The following SHISA9 variants were observed in gnomAD, a reference collection of about 807,000 sequenced individuals.
The protein encoded by SHISA9 is shisa family member 9.
SHISA9 carries 13 observed loss-of-function variants against 38.0 expected under a neutral mutation model. The observed-to-expected ratio is 0.34, with a 90% CI of 0.22 to 0.54. The LOEUF is 0.54. Ranked by LOEUF, SHISA9 falls within the 20% of genes least tolerant of loss-of-function variation. The probability of loss-of-function intolerance (pLI) is 0.91; values close to 1 mark genes in which losing one functional copy is unlikely to be tolerated. For missense variants in SHISA9, 538 were observed against 575.8 expected (o/e 0.93, Z 0.67); for synonymous variants, 275 against 242.0 (o/e 1.14, Z -1.27).
intron 2 of SHISA9, among the ~76,000 whole-genome samples, chr16:12,948,725 C>T (rs898463308): frequency 6.6e-6 from 1 of 152,152 alleles, no homozygotes; most frequent in African/African-American, 2.4e-5. Flanking sequence ...CGTCTGAAGG[C>T]CCCACTTCTT....
At chr16:13,152,664 T>C (rs919753394) in intron 2 of SHISA9, among the ~76,000 whole-genome samples, 16 of 152,146 alleles carry the variant, frequency 1.1e-4, no homozygotes, top group Non-Finnish European at 1.2e-4. Context: ...TGTCCAGTCA[T>C]GTGCCAGGCA....
chr16:12,925,153 C>A (rs765105200), intron 2 of SHISA9, among the ~76,000 whole-genome samples: 1 of 151,650 alleles, frequency 6.6e-6, no homozygotes, highest in Non-Finnish European at 1.5e-5. Flanking sequence ...TTGATAACAC[C>A]GTGTGTGTGT....
the SHISA9 span, among the ~76,000 whole-genome samples, chr16:13,502,844 T>G: frequency 9.4e-3 from 1,429 of 151,800 alleles, 21 homozygotes; most frequent in African/African-American, 0.033. Context: ...GCCACCACAC[T>G]CCAGCCTGGG....
intron 2 of SHISA9, among the ~76,000 whole-genome samples, chr16:13,153,918 C>T (rs1248753092): frequency 6.7e-6 from 1 of 148,316 alleles, no homozygotes; most frequent in Non-Finnish European, 1.5e-5. Context: ...GGCTGAAGCT[C>T]CTGTTGCAAA....
chr16:13,402,893 C>T, the SHISA9 span, among the ~76,000 whole-genome samples: 1 of 152,278 alleles, frequency 6.6e-6, no homozygotes, highest in South Asian at 2.1e-4. Context: ...CCAAGGCGGG[C>T]AGGTCACAAT....
intron 2 of SHISA9, among the ~76,000 whole-genome samples, chr16:13,101,025 A>G (rs953940719): frequency 2.6e-5 from 4 of 152,170 alleles, no homozygotes; most frequent in Non-Finnish European, 5.9e-5. Context: ...TTCCATATCT[A>G]GGTGGAATTC....
chr16:13,360,602 A>G, the SHISA9 span, among the ~76,000 whole-genome samples: 1 of 151,804 alleles, frequency 6.6e-6, no homozygotes, highest in African/African-American at 2.4e-5. Flanking sequence ...GCCATGCTGA[A>G]TTGTCAGTCA....
chr16:13,013,504 G>A (rs1424781618), intron 2 of SHISA9, among the ~76,000 whole-genome samples: 1 of 152,144 alleles, frequency 6.6e-6, no homozygotes, highest in African/African-American at 2.4e-5. Flanking sequence ...CGCGTGGCTA[G>A]GGATCACGGT....
Position 13,236,548 on chromosome 16 carries a change from G to A in SHISA9, c.*1139G>A, listed in dbSNP as rs1219186393. The stretch of plus-strand genomic sequence containing the variant: ...CTGCTTTGGACTGAAAATGTCATAA[G>A]CGTGGGTGGTGCCTTCAATGTGTTA... On this transcript the variant is annotated 3_prime_UTR_variant, in exon 5 of 5. Transcript: ENST00000558583. 1 of 152,334 alleles carries A rather than the reference G, an allele frequency of 6.6e-6. No individual in the cohort carries two copies. The highest frequency in any genetic ancestry group is 1.9e-4 in the East Asian group (1 of 5,194). 9.4% of individuals were successfully genotyped at this position (152,334 alleles called of 1,614,324 possible). A position where few individuals can be genotyped will look rare whatever the true frequency, so the allele number is the denominator to read the frequency against.
chr16:13,079,995 C>A, intron 2 of SHISA9, among the ~76,000 whole-genome samples: 1 of 152,106 alleles, frequency 6.6e-6, no homozygotes, highest in East Asian at 1.9e-4. Context: ...TATTGAATGC[C>A]TTTGAGAAGG....
intron 2 of SHISA9, among the ~76,000 whole-genome samples, chr16:13,186,074 T>C (rs1359453640): frequency 6.6e-6 from 1 of 152,166 alleles, no homozygotes; most frequent in Non-Finnish European, 1.5e-5. Flanking sequence ...TGGATGAAGC[T>C]GATTGTGTCT....
chr16:13,165,638 G>T (rs897720036), intron 2 of SHISA9, among the ~76,000 whole-genome samples: 1 of 152,144 alleles, frequency 6.6e-6, no homozygotes, highest in African/African-American at 2.4e-5. Flanking sequence ...ATGAGCAAAG[G>T]TACTTTGTAA....
At chr16:12,938,005 G>A (rs2071556611) in intron 2 of SHISA9, among the ~76,000 whole-genome samples, 1 of 152,172 alleles carries the variant, frequency 6.6e-6, no homozygotes, top group Admixed American at 6.5e-5. Context: ...TCCAACTATT[G>A]AAACCCTTGA....
At chr16:13,333,205 C>G in the SHISA9 span, among the ~76,000 whole-genome samples, 2 of 152,196 alleles carry the variant, frequency 1.3e-5, no homozygotes, top group African/African-American at 4.8e-5. Flanking sequence ...TCCATCTTCT[C>G]TCTTTCAAAG....
the SHISA9 span, among the ~76,000 whole-genome samples, chr16:13,286,470 C>T: frequency 2.6e-5 from 4 of 152,092 alleles, no homozygotes; most frequent in South Asian, 4.1e-4. Flanking sequence ...TGTAAAATTA[C>T]AGTCAAGAGC....
chr16:13,450,253 G>A, the SHISA9 span, among the ~76,000 whole-genome samples: 5 of 152,180 alleles, frequency 3.3e-5, no homozygotes, highest in Non-Finnish European at 5.9e-5. Flanking sequence ...GTAGGGTTAA[G>A]AACACCTACC....
chr16:13,109,619 C>T (rs2073958603), intron 2 of SHISA9, among the ~76,000 whole-genome samples: 1 of 152,224 alleles, frequency 6.6e-6, no homozygotes. Context: ...GTGCAACTAT[C>T]ATGAGCATCC....
the SHISA9 span, among the ~76,000 whole-genome samples, chr16:13,324,632 C>T: frequency 6.6e-6 from 1 of 152,094 alleles, no homozygotes; most frequent in African/African-American, 2.4e-5. Context: ...AGTCAGGGTT[C>T]TCCAAAGAAA....
At chr16:13,509,141 T>C in the SHISA9 span, among the ~76,000 whole-genome samples, 1 of 152,152 alleles carries the variant, frequency 6.6e-6, no homozygotes, top group Non-Finnish European at 1.5e-5. Flanking sequence ...TGTGGAAATA[T>C]TTGCATAATC....
Sources: allele counts gnomAD v4.1 joint callset (sites outside exome capture counted in the v4.1 genomes callset), GRCh38; gene constraint gnomAD v4.1.1; transcripts MANE v1.5; gene names NCBI Gene and HGNC (gene_info 2026-07-23, HGNC 2026-07-21).